Variants in AGFG2 observed in about 807,000 individuals in gnomAD.
AGFG2 encodes the protein ArfGAP with FG repeats 2.
In AGFG2, 31 loss-of-function variants were observed where a neutral mutation model predicts 48.0. That is an observed-to-expected ratio of 0.65 (90% CI 0.49 to 0.87). AGFG2 has a LOEUF of 0.87. Among genes scored for constraint, AGFG2 ranks in the 40% least tolerant of loss-of-function variants. The pLI is 0.00. For synonymous variants in AGFG2, 229 were observed against 260.8 expected, an observed-to-expected ratio of 0.88 and a Z score of 1.18; for missense variants, 599 against 632.6, an observed-to-expected ratio of 0.95 and a Z score of 0.57.
In AGFG2 at chr7:100,554,255, G is replaced by T. The variant is rs368144368; in HGVS notation, c.748G>T (p.Gly250Trp). The change falls in exon 5 of 12, where the codon GGG becomes TGG. Residue 250 changes from glycine (G) to tryptophan (W), a missense_variant. Transcript: ENST00000300176. ...APAFAAFPAF[G>W]GQTPSQGGFA... ...AGCTTTTGCTGCATTCCCTGCCTTTGGGGGTAAGTGGGTTTTGGGATGGGA... is the reference window on the plus strand; with the variant it reads ...AGCTTTTGCTGCATTCCCTGCCTTTTGGGGTAAGTGGGTTTTGGGATGGGA... 15 of 1,611,066 alleles carry T rather than the reference G, an allele frequency of 9.3e-6. No individual in the cohort carries two copies. The highest frequency in any genetic ancestry group is 1.7e-5 in the Admixed American group (1 of 59,574).
At chr7:100,549,530 A>C (rs552795207) in intron 2 of AGFG2, among the ~76,000 whole-genome samples, 5 of 152,278 alleles carry the variant, frequency 3.3e-5, no homozygotes, top group African/African-American at 4.8e-5. Flanking sequence ...CTTTTTCAAT[A>C]CATGTCACAA....
At chr7:100,545,540 G>C (rs954940046) in intron 1 of AGFG2, among the ~76,000 whole-genome samples, 8 of 152,180 alleles carry the variant, frequency 5.3e-5, no homozygotes, top group South Asian at 2.1e-4. Flanking sequence ...AAGACAACCT[G>C]ACTGGCTGGA....
At chr7:100,559,885 G>A (rs192830729) in intron 6 of AGFG2, among the ~76,000 whole-genome samples, 141 of 151,330 alleles carry the variant, frequency 9.3e-4, no homozygotes, top group African/African-American at 3.3e-3. Flanking sequence ...TTGGGCCACC[G>A]CCTCCTTTGT....
At chr7:100,550,292 C>T (rs1030148043) in intron 2 of AGFG2, 104 bp from the exon 3 acceptor site, 11 of 771,486 alleles carry the variant, frequency 1.4e-5, no homozygotes, top group African/African-American at 4.3e-5. Context: ...GGCGACAGAG[C>T]GAGACTCCGT....
At chr7:100,543,509 G>A (rs553017332) in intron 1 of AGFG2, among the ~76,000 whole-genome samples, 13 of 152,262 alleles carry the variant, frequency 8.5e-5, no homozygotes, top group African/African-American at 3.1e-4. Flanking sequence ...TTACAAATAT[G>A]TCTCCTTCAT....
At chr7:100,558,193 G>A (rs1034261087) in intron 6 of AGFG2, among the ~76,000 whole-genome samples, 1 of 152,172 alleles carries the variant, frequency 6.6e-6, no homozygotes, top group African/African-American at 2.4e-5. Context: ...CAGCCTGGGC[G>A]ACAAGAGCGA....
In AGFG2 at chr7:100,564,312, G is replaced by T; in HGVS notation, c.1386+9G>T. ...CCACCAACCCCTTCATGGTGAGTGT[G>T]CCAGCAGGGGTGCTGTGGTAGGGCT... On this transcript the variant is annotated intron_variant, in intron 11 of 11. Coordinates refer to ENST00000300176, the MANE Select transcript of AGFG2 (RefSeq NM_006076.5). The T allele has an allele frequency of 6.2e-7, 1 of 1,611,324 alleles. No homozygotes were observed. Among genetic ancestry groups the T allele is most frequent in the South Asian group, 1.1e-5 (1 of 90,338 alleles).
At chr7:100,545,368 G>C (rs1469541724) in intron 1 of AGFG2, among the ~76,000 whole-genome samples, 1 of 152,164 alleles carries the variant, frequency 6.6e-6, no homozygotes, top group East Asian at 1.9e-4. Flanking sequence ...TGTGGAAATA[G>C]TACTATGCCT....
intron 5 of AGFG2, 53 bp from the exon 6 acceptor site, chr7:100,555,557 G>A: frequency 6.3e-7 from 1 of 1,581,238 alleles, no homozygotes; most frequent in Non-Finnish European, 8.6e-7. Context: ...ACAGGCGTGA[G>A]CTACCACACC....
rs1033821063 is a variant in AGFG2 at position 100,562,015 on chromosome 7, C to T, written c.878-244C>T. Among the ~76,000 whole-genome samples, 6 of 152,070 alleles carry T rather than the reference C, an allele frequency of 3.9e-5. No individual in the cohort carries two copies. Among genetic ancestry groups the T allele is most frequent in the African/African-American group, 4.8e-5 (2 of 41,414 alleles). ...GGACGAGCTGCTTTCCTCTCCGCAG[C>T]GCAGCTTTGAGCGCAGGGGACACGG... On this transcript the variant is annotated intron_variant, in intron 6 of 11. Transcript: ENST00000300176. This position sits in a 1 kb window ranked among gnomAD's most constrained non-coding sequence, Gnocchi z 5.4.
At chr7:100,564,017 T>C in intron 10 of AGFG2, 55 bp downstream of exon 10, 1 of 1,590,266 alleles carries the variant, frequency 6.3e-7, no homozygotes, top group Non-Finnish European at 8.5e-7. Flanking sequence ...TGCATAGAGA[T>C]CAGTTAGTTG....
chr7:100,556,702 T>C, intron 6 of AGFG2: 1 of 1,205,648 alleles, frequency 8.3e-7, no homozygotes, highest in Non-Finnish European at 1.1e-6. Context: ...AAGGAACCCT[T>C]AAAATTTGGC....
At position 100,562,584 on chromosome 7, in the gene AGFG2, C is replaced by T. The variant is rs754060487; in HGVS notation, c.999-10C>T. On this transcript the variant is annotated splice_polypyrimidine_tract_variant and intron_variant, in intron 7 of 11. Coordinates refer to ENST00000300176, the MANE Select transcript of AGFG2 (RefSeq NM_006076.5). This position sits in a 1 kb window ranked among gnomAD's most constrained non-coding sequence, Gnocchi z 5.4. ...CAGCTGTGTATGACTTCTCTCTCCC[C>T]GTGTTGTAGCCTCTTCGGGATGGCT... The T allele has an allele frequency of 3.1e-5, 50 of 1,613,296 alleles. No individual in the cohort carries two copies. The highest frequency in any genetic ancestry group is 1.0e-4 in the Admixed American group (6 of 59,992).
chr7:100,550,210 G>C (rs1021989679), intron 2 of AGFG2, among the ~76,000 whole-genome samples, 186 bp from the exon 3 acceptor site: 9 of 151,430 alleles, frequency 5.9e-5, no homozygotes, highest in African/African-American at 1.9e-4. Context: ...GGGAGACTGA[G>C]GCAGGAGAAT....
At chr7:100,560,336 G>GC (rs551199571) in intron 6 of AGFG2, among the ~76,000 whole-genome samples, 71 of 152,260 alleles carry the variant, frequency 4.7e-4, no homozygotes, top group African/African-American at 1.7e-3. Context: ...GCACCACCAC[G>GC]CCCAGCTTAT....
In AGFG2 at chr7:100,562,515, G is replaced by T; in HGVS notation, c.999-79G>T. The T allele has an allele frequency of 6.2e-7, 1 of 1,607,444 alleles. No individual in the cohort carries two copies. Among genetic ancestry groups the T allele is most frequent in the Non-Finnish European group, 8.5e-7 (1 of 1,176,178 alleles). The stretch of plus-strand genomic sequence containing the variant: ...CTCCCTTACTCACCCTGGAGAGCAG[G>T]GTTGGCATCTCCTGGCCCCTTGCTC... On this transcript the variant is annotated intron_variant, in intron 7 of 11. Coordinates refer to ENST00000300176, the MANE Select transcript of AGFG2 (RefSeq NM_006076.5). The surrounding 1 kb of genome is among the most constrained non-coding windows in gnomAD (Gnocchi z 5.4).
chr7:100,550,433 G>A lies in AGFG2; in HGVS notation c.353G>A (p.Arg118Gln), dbSNP rs750650620. ...ATTTGGTTGGGTCTGTTTGATGCTC[G>A]GACATCTTTAGTACCAGATTCCAGG... is the stretch of plus-strand genomic sequence containing the variant. ...RKIWLGLFDA[R>Q]TSLVPDSRDP... The change falls in exon 3 of 12, where the codon CGG (arginine) becomes CAG (glutamine). Residue 118 changes from arginine to glutamine, a missense_variant. Physicochemically the swap from Arg to Gln is conservative, Grantham distance 43. Coordinates refer to ENST00000300176, the MANE Select transcript of AGFG2 (RefSeq NM_006076.5). The A allele has an allele frequency of 1.7e-5, 27 of 1,613,872 alleles. No individual in the cohort carries two copies. The Middle Eastern group carries it at 6.6e-4, about 39-fold the overall frequency.
Position 100,562,771 on chromosome 7 carries a change from G to A in AGFG2, c.1087+89G>A. The A allele has an allele frequency of 6.3e-7, 1 of 1,593,670 alleles. No individual in the cohort carries two copies. Among genetic ancestry groups the A allele is most frequent in the Non-Finnish European group, 8.6e-7 (1 of 1,165,890 alleles). On this transcript the variant is annotated intron_variant, in intron 8 of 11. Coordinates refer to ENST00000300176, the MANE Select transcript of AGFG2 (RefSeq NM_006076.5). This position sits in a 1 kb window ranked among gnomAD's most constrained non-coding sequence, Gnocchi z 5.4. The stretch of plus-strand genomic sequence containing the variant: ...GGACAGGGTGGGAAGGGGAGAGATT[G>A]AGAGGAATGCTCAGGCATCACAGGA...
chr7:100,562,907 C>T lies in AGFG2; in HGVS notation c.1132C>T (p.Pro378Ser). The change falls in exon 9 of 12, where the codon CCT becomes TCT. Residue 378 changes from proline to serine, a missense_variant. By Grantham distance (74) the Pro-to-Ser change is moderately conservative. Coordinates refer to ENST00000300176, the MANE Select transcript of AGFG2 (RefSeq NM_006076.5). This position sits in a 1 kb window ranked among gnomAD's most constrained non-coding sequence, Gnocchi z 5.4. The stretch of plus-strand genomic sequence containing the variant: ...AGCTCCCGCCGCCCAGTCCCCGCTG[C>T]CTTCCACCAACCCGTTCCAGCCCAA... Reference protein sequence around the residue: ...FTAPAAQSPLPSTNPFQPNGL... With the variant: ...FTAPAAQSPLSSTNPFQPNGL... 1 of 1,614,166 alleles carries T rather than the reference C, an allele frequency of 6.2e-7. No individual in the cohort carries two copies. The highest frequency in any genetic ancestry group is 8.5e-7 in the Non-Finnish European group (1 of 1,180,010).
Sources: allele counts gnomAD v4.1 joint callset (sites outside exome capture counted in the v4.1 genomes callset), GRCh38; gene constraint gnomAD v4.1.1; non-coding constraint Gnocchi (gnomAD v3.1); transcripts MANE v1.5; gene names NCBI Gene and HGNC (gene_info 2026-07-23, HGNC 2026-07-21).